ELFN2: variants seen among roughly 807,000 people sequenced by gnomAD.
ELFN2 encodes protein phosphatase 1 regulatory subunit 29.
In ELFN2, 17 loss-of-function variants were observed where a neutral mutation model predicts 45.5. The ratio of observed to expected loss-of-function variants is 0.37; its 90% CI spans 0.26 to 0.56. The LOEUF (loss-of-function observed/expected upper bound fraction) is 0.56, where lower values mean the gene tolerates loss of function less well. ELFN2 is among the 20% of genes least tolerant of loss of function. ELFN2 has a pLI of 0.77. For missense variants in ELFN2, 922 were observed against 1,183.2 expected, an observed-to-expected ratio of 0.78 and a Z score of 3.24; for synonymous variants, 550 against 551.5, an observed-to-expected ratio of 1.00 and a Z score of 0.04.
chr22:37,345,009 CT>C (rs932426412), intron 1 of ELFN2, among the ~76,000 whole-genome samples: 1 of 152,192 alleles, frequency 6.6e-6, no homozygotes, highest in Non-Finnish European at 1.5e-5. Context: ...GCACCTGCCC[CT>C]GAGGGGCCAC....
At chr22:37,343,757 C>T (rs1273767336) in intron 1 of ELFN2, among the ~76,000 whole-genome samples, 1 of 150,418 alleles carries the variant, frequency 6.6e-6, no homozygotes, top group Non-Finnish European at 1.5e-5. Context: ...AGTGTTCACC[C>T]ACCTCAGTCC....
In ELFN2 at chr22:37,373,014, T is replaced by C; in HGVS notation, c.*58A>G. Reference sequence around the variant, plus strand: ...CTCCCCGCCCTGGCCGCCTGGACCCTTCCCCCAAAAGGCCCCCAGCCCTCT... The same window carrying C: ...CTCCCCGCCCTGGCCGCCTGGACCCCTCCCCCAAAAGGCCCCCAGCCCTCT... On this transcript the variant is annotated 3_prime_UTR_variant, in exon 3 of 3. Transcript: ENST00000402918. 1 of 1,525,538 alleles carries C rather than the reference T, an allele frequency of 6.6e-7. No homozygotes were observed. The highest frequency in any genetic ancestry group is 1.3e-5 in the South Asian group (1 of 78,450). The allele number at this position is 1,525,538 out of a possible 1,614,324, so 94.5% of individuals were successfully genotyped here. A position where few individuals can be genotyped will look rare whatever the true frequency, so the allele number is the denominator to read the frequency against.
intron 1 of ELFN2, among the ~76,000 whole-genome samples, chr22:37,345,124 C>G (rs1220634580): frequency 2.3e-5 from 3 of 130,366 alleles, no homozygotes; most frequent in Non-Finnish European, 5.3e-5. Context: ...CTTCCTGTGC[C>G]CCCTTCTGGG....
At chr22:37,352,298 G>C (rs1416435328) in intron 1 of ELFN2, 1 of 151,022 alleles carries the variant, frequency 6.6e-6, no homozygotes. Flanking sequence ...AGAGGGTGGA[G>C]CCTGTGCAGA....
chr22:37,357,450 C>T (rs535859578), intron 1 of ELFN2, among the ~76,000 whole-genome samples: 1 of 152,318 alleles, frequency 6.6e-6, no homozygotes, highest in Non-Finnish European at 1.5e-5. Flanking sequence ...ATTTTTATGG[C>T]TTCATCTAAG....
chr22:37,354,488 A>T (rs941606820), intron 1 of ELFN2: 2 of 152,254 alleles, frequency 1.3e-5, no homozygotes, highest in Non-Finnish European at 2.9e-5. Context: ...GTGACCTTCC[A>T]TACCTTTTTC....
At chr22:37,414,234 A>C (rs1569143781) in intron 2 of ELFN2, among the ~76,000 whole-genome samples, 1 of 152,230 alleles carries the variant, frequency 6.6e-6, no homozygotes, top group Admixed American at 6.5e-5. Flanking sequence ...GTAAGCAAGC[A>C]AATAAAACAG....
At chr22:37,425,870 T>TACACACACACACACAC (rs133723) in intron 1 of ELFN2, among the ~76,000 whole-genome samples, 39 of 145,776 alleles carry the variant, frequency 2.7e-4, no homozygotes, top group African/African-American at 5.9e-4. Flanking sequence ...CACATACACA[T>TACACACACACACACAC]ACACACACAC....
intron 1 of ELFN2, among the ~76,000 whole-genome samples, chr22:37,418,193 G>A (rs1273840356): frequency 6.6e-6 from 1 of 151,990 alleles, no homozygotes; most frequent in Non-Finnish European, 1.5e-5. Context: ...AGGGAGAGAT[G>A]GAGAGATGCA....
chr22:37,387,814 C>A (rs896379822), intron 2 of ELFN2, among the ~76,000 whole-genome samples: 2 of 152,066 alleles, frequency 1.3e-5, no homozygotes, highest in African/African-American at 4.8e-5. Context: ...CCCTTCAACC[C>A]TTCCCAAGGC....
intron 1 of ELFN2, among the ~76,000 whole-genome samples, chr22:37,357,820 T>C (rs1930987238): frequency 6.6e-6 from 1 of 152,224 alleles, no homozygotes; most frequent in Admixed American, 6.5e-5. Context: ...TGATACCCAC[T>C]GAAGTCTGAA....
chr22:37,360,123 C>T (rs2145621226), intron 1 of ELFN2, among the ~76,000 whole-genome samples: 1 of 152,280 alleles, frequency 6.6e-6, no homozygotes, highest in Admixed American at 6.5e-5. Context: ...CCTGTTTTAG[C>T]CACTCTTCAA....
chr22:37,415,541 G>A (rs1932751525), intron 2 of ELFN2, among the ~76,000 whole-genome samples: 1 of 152,210 alleles, frequency 6.6e-6, no homozygotes, highest in Non-Finnish European at 1.5e-5. Context: ...CCCCGTTCCT[G>A]TTACCACCAA....
intron 1 of ELFN2, among the ~76,000 whole-genome samples, chr22:37,347,947 G>A (rs749483604): frequency 2.6e-4 from 39 of 152,132 alleles, no homozygotes; most frequent in Admixed American, 1.8e-3. Flanking sequence ...TGGGGAGCTC[G>A]CGCCCACCTG....
intron 2 of ELFN2, among the ~76,000 whole-genome samples, chr22:37,378,760 C>T (rs554997482): frequency 6.6e-6 from 1 of 152,382 alleles, no homozygotes; most frequent in East Asian, 1.9e-4. Context: ...GCCCGGTCCC[C>T]ATCCCGGGCT....
Position 37,374,276 on chromosome 22 carries a change from C to A in ELFN2, c.1259G>T (p.Arg420Leu), listed in dbSNP as rs537816334. The A allele has an allele frequency of 6.2e-7, 1 of 1,613,842 alleles. No homozygotes were observed. Among genetic ancestry groups the A allele is most frequent in the Non-Finnish European group, 8.5e-7 (1 of 1,180,046 alleles). The change falls in exon 3 of 3, where the codon CGC becomes CTC. Residue 420 changes from arginine to leucine, a missense_variant. Physicochemically the swap from Arg to Leu is moderately radical, Grantham distance 102 (BLOSUM62 -2). Coordinates refer to ENST00000402918, the MANE Select transcript of ELFN2 (RefSeq NM_052906.5). Reference sequence around the variant, plus strand: ...CTTCTCCTCCTGCATGCGCCGCTTGCGCAGGCAGTAGTACACGGCTCCCAG... The same window carrying A: ...CTTCTCCTCCTGCATGCGCCGCTTGAGCAGGCAGTAGTACACGGCTCCCAG... ...IVLGAVYYCL[R>L]KRRMQEEKQK... is the part of the protein sequence containing the mutation.
chr22:37,350,570 C>A (rs928403966), intron 1 of ELFN2, among the ~76,000 whole-genome samples: 1 of 150,726 alleles, frequency 6.6e-6, no homozygotes, highest in African/African-American at 2.4e-5. Flanking sequence ...GCCCTAGGCC[C>A]ACCCGCCAGC....
chr22:37,376,884 A>G (rs1931598702), intron 2 of ELFN2, among the ~76,000 whole-genome samples: 2 of 152,106 alleles, frequency 1.3e-5, no homozygotes, highest in African/African-American at 4.8e-5. Flanking sequence ...ATGGCTGGAG[A>G]GTCAGAGGCC....
intron 2 of ELFN2, among the ~76,000 whole-genome samples, chr22:37,415,763 C>T (rs1932753774): frequency 1.3e-5 from 2 of 152,158 alleles, no homozygotes; most frequent in Non-Finnish European, 2.9e-5. Flanking sequence ...GAGATCAAAA[C>T]CATCCTGGCT....
Sources: gnomAD v4.1 joint callset for allele counts (sites outside exome capture counted in the v4.1 genomes callset) on GRCh38, gnomAD v4.1.1 for gene constraint, MANE v1.5 for transcripts, NCBI Gene and HGNC (gene_info 2026-07-23, HGNC 2026-07-21) for gene names.